Variants in NSUN6 observed in about 807,000 individuals in gnomAD.
NSUN6 encodes the protein tRNA (cytosine(72)-C(5))-methyltransferase NSUN6.
NSUN6 carries 64 observed loss-of-function variants against 58.0 expected under a neutral mutation model. That is an observed-to-expected ratio of 1.10 (90% confidence interval 0.90 to 1.36). The LOEUF is 1.36. Among genes scored for constraint, NSUN6 ranks in the 40% most tolerant of loss-of-function variants. The pLI, the probability that NSUN6 is intolerant of heterozygous loss-of-function variation, is 0.00. For synonymous variants in NSUN6, 231 were observed against 193.9 expected (o/e 1.19, Z -1.59); for missense variants, 701 against 550.1 (o/e 1.27, Z -2.74).
At chr10:18,629,444 A>G (rs1288277909) in intron 3 of NSUN6, among the ~76,000 whole-genome samples, 2 of 151,430 alleles carry the variant, frequency 1.3e-5, no homozygotes, top group African/African-American at 2.4e-5. Flanking sequence ...GCTCCAATTA[A>G]AAGACACAGA....
chr10:18,552,890 C>G, intron 8 of NSUN6, among the ~76,000 whole-genome samples: 1 of 151,800 alleles, frequency 6.6e-6, no homozygotes, highest in Non-Finnish European at 1.5e-5. Context: ...ATTCACCATT[C>G]CATTCTCCCT....
At chr10:18,646,635 G>C (rs186506449) in intron 2 of NSUN6, among the ~76,000 whole-genome samples, 1 of 152,304 alleles carries the variant, frequency 6.6e-6, no homozygotes, top group Admixed American at 6.5e-5. Flanking sequence ...ACAGGGTCAG[G>C]AGTTCGAGAC....
chr10:18,574,085 G>A (rs2056529742), intron 8 of NSUN6, among the ~76,000 whole-genome samples: 1 of 152,038 alleles, frequency 6.6e-6, no homozygotes, highest in African/African-American at 2.4e-5. Flanking sequence ...TGTGGACAGT[G>A]GAGTAGCTTT....
At chr10:18,609,424 C>G (rs978809991) in intron 6 of NSUN6, among the ~76,000 whole-genome samples, 1 of 151,988 alleles carries the variant, frequency 6.6e-6, no homozygotes, top group Non-Finnish European at 1.5e-5. Flanking sequence ...GTGACATAGG[C>G]CAAGAGTCCT....
At position 18,561,064 on chromosome 10, in the gene NSUN6, TATAGAAA is replaced by T. The variant is rs1460793599; in HGVS notation, c.923-9100_923-9094del. Reference sequence around the variant, plus strand: ...GAATGCAGAATGGAATGGAGGATGGTATAGAAAATGGAATGGAATGGAGAATGGAATG... The same window carrying T: ...GAATGCAGAATGGAATGGAGGATGGTATGGAATGGAATGGAGAATGGAATG... On this transcript the variant is annotated intron_variant, in intron 8 of 10. Coordinates refer to ENST00000377304, the MANE Select transcript of NSUN6 (RefSeq NM_182543.5). Among the ~76,000 whole-genome samples the T allele has an allele frequency of 1.1e-3, 151 of 134,784 alleles. 2 individuals carry two copies. The highest frequency in any genetic ancestry group is 4.0e-3 in the African/African-American group (144 of 35,926). 88.4% of individuals were successfully genotyped at this position (134,784 alleles called of 152,430 possible).
intron 3 of NSUN6, among the ~76,000 whole-genome samples, chr10:18,626,786 G>A (rs2058825266): frequency 6.6e-6 from 1 of 150,854 alleles, no homozygotes; most frequent in Non-Finnish European, 1.5e-5. Context: ...GAAAAAAAAA[G>A]ATGGAAATCG....
At chr10:18,617,336 C>T (rs574893019) in intron 3 of NSUN6, among the ~76,000 whole-genome samples, 72 of 151,948 alleles carry the variant, frequency 4.7e-4, no homozygotes, top group Admixed American at 1.4e-3. Flanking sequence ...TACAGGTGCT[C>T]GCCACCACAC....
At chr10:18,657,627 T>C (rs1425694982), upstream of NSUN6, among the ~76,000 whole-genome samples, 1 of 152,144 alleles carries the variant, frequency 6.6e-6, no homozygotes, top group Non-Finnish European at 1.5e-5. Context: ...TTTATTTTTA[T>C]TTTTTTAGAC....
intron 8 of NSUN6, among the ~76,000 whole-genome samples, chr10:18,568,399 C>CTCCAT (rs147853409): frequency 0.73 from 108,467 of 147,648 alleles, 40,042 homozygotes; most frequent in East Asian, 0.96. Flanking sequence ...CCATTCCATT[C>CTCCAT]TCCATTCCAT....
intron 8 of NSUN6, among the ~76,000 whole-genome samples, chr10:18,583,678 A>G (rs2057001832): frequency 6.6e-6 from 1 of 152,170 alleles, no homozygotes; most frequent in Non-Finnish European, 1.5e-5. Flanking sequence ...AGAGAATATC[A>G]ATAGAGGGAA....
chr10:18,567,587 G>C (rs1292223945), intron 8 of NSUN6, among the ~76,000 whole-genome samples: 1 of 135,814 alleles, frequency 7.4e-6, no homozygotes, highest in Non-Finnish European at 1.6e-5. Flanking sequence ...ATTCTCCATA[G>C]CATTCCATTC....
intron 8 of NSUN6, among the ~76,000 whole-genome samples, chr10:18,573,808 A>G (rs959162523): frequency 2.0e-5 from 3 of 152,148 alleles, no homozygotes; most frequent in African/African-American, 7.2e-5. Context: ...GGTGTGAACA[A>G]ATCGAGGGAA....
At chr10:18,648,343 T>A (rs370350549) in intron 2 of NSUN6, 147 bp downstream of exon 2, 20 of 535,732 alleles carry the variant, frequency 3.7e-5, no homozygotes, top group African/African-American at 2.6e-4. Flanking sequence ...CCACCTAGGA[T>A]AACTTTGAAG....
intron 8 of NSUN6, among the ~76,000 whole-genome samples, chr10:18,554,842 G>A (rs927893307): frequency 6.6e-6 from 1 of 151,790 alleles, no homozygotes; most frequent in African/African-American, 2.4e-5. Flanking sequence ...AAACGGCATG[G>A]AATGGAATGG....
At chr10:18,636,829 C>A (rs1449154683) in intron 3 of NSUN6, among the ~76,000 whole-genome samples, 1 of 150,152 alleles carries the variant, frequency 6.7e-6, no homozygotes, top group Admixed American at 6.7e-5. Flanking sequence ...GCGGAGCTTA[C>A]AATGAACCAA....
chr10:18,559,202 A>G (rs2055290608), intron 8 of NSUN6, among the ~76,000 whole-genome samples: 1 of 151,236 alleles, frequency 6.6e-6, no homozygotes, highest in African/African-American at 2.4e-5. Flanking sequence ...ATGGAATGGA[A>G]TAGAGAATGG....
At chr10:18,579,640 G>C (rs1479513662) in intron 8 of NSUN6, among the ~76,000 whole-genome samples, 1 of 152,096 alleles carries the variant, frequency 6.6e-6, no homozygotes, top group Non-Finnish European at 1.5e-5. Context: ...GTGGTTGGGG[G>C]TACAGTTTGC....
intron 3 of NSUN6, among the ~76,000 whole-genome samples, chr10:18,624,817 G>A (rs1467651353): frequency 6.6e-6 from 1 of 152,118 alleles, no homozygotes; most frequent in Non-Finnish European, 1.5e-5. Flanking sequence ...AAACTGGAAT[G>A]AGTTCCCAGC....
chr10:18,579,656 T>C (rs1308723859), intron 8 of NSUN6, among the ~76,000 whole-genome samples: 4 of 152,260 alleles, frequency 2.6e-5, no homozygotes, highest in Admixed American at 2.0e-4. Context: ...TTTGCTTTTA[T>C]GCATTTTAGG....
Sources: gnomAD v4.1 joint callset for allele counts (sites outside exome capture counted in the v4.1 genomes callset) on GRCh38, gnomAD v4.1.1 for gene constraint, MANE v1.5 for transcripts, NCBI Gene and HGNC (gene_info 2026-07-23, HGNC 2026-07-21) for gene names.